Variants in EXOC6B observed in about 807,000 individuals in gnomAD.
EXOC6B encodes SEC15 homolog B.
EXOC6B carries 54 observed loss-of-function variants against 113.5 expected under a neutral mutation model. The observed-to-expected ratio is 0.48, with a 90% CI of 0.38 to 0.60. The LOEUF (loss-of-function observed/expected upper bound fraction) is 0.60. Ranked by LOEUF, EXOC6B falls within the 20% of genes least tolerant of loss-of-function variation. The pLI, the probability that EXOC6B is intolerant of heterozygous loss-of-function variation, is 0.00. For synonymous variants in EXOC6B, 357 were observed against 339.0 expected, an observed-to-expected ratio of 1.05 and a Z score of -0.58; for missense variants, 797 against 977.5, an observed-to-expected ratio of 0.82 and a Z score of 2.46.
At chr2:72,241,255 C>T (rs1682292881) in intron 20 of EXOC6B, among the ~76,000 whole-genome samples, 1 of 151,978 alleles carries the variant, frequency 6.6e-6, no homozygotes, top group Admixed American at 6.6e-5. Context: ...ATGGGGTCCT[C>T]AATAGACTGT....
intron 1 of EXOC6B, among the ~76,000 whole-genome samples, chr2:72,810,178 T>C (rs1685810858): frequency 6.6e-6 from 1 of 152,008 alleles, no homozygotes; most frequent in Non-Finnish European, 1.5e-5. Context: ...GGAAATTTTA[T>C]GAAGCTTGGG....
intron 6 of EXOC6B, among the ~76,000 whole-genome samples, chr2:72,593,641 C>CT (rs1706121021): frequency 9.9e-6 from 1 of 101,162 alleles, no homozygotes; most frequent in East Asian, 2.3e-4. Flanking sequence ...CAATAGGGAT[C>CT]TTAAAAAAAA....
chr2:72,558,037 CA>C (rs60676600), intron 8 of EXOC6B, among the ~76,000 whole-genome samples: 125,897 of 147,508 alleles, frequency 0.85, 53,839 homozygotes, highest in East Asian at 0.99. Context: ...TTTATAAAAC[CA>C]AAAAAAAAAA....
chr2:72,572,759 T>C (rs1425527832), intron 7 of EXOC6B, among the ~76,000 whole-genome samples: 2 of 152,174 alleles, frequency 1.3e-5, no homozygotes, highest in Non-Finnish European at 1.5e-5. Flanking sequence ...AGAAACCAGT[T>C]TGGAAACATC....
intron 1 of EXOC6B, among the ~76,000 whole-genome samples, chr2:72,820,951 CA>C (rs1364350478): frequency 1.3e-5 from 2 of 151,408 alleles, no homozygotes; most frequent in African/African-American, 4.9e-5. Context: ...AATATAACAT[CA>C]AAAGCATGAA....
chr2:72,518,976 T>C (rs561756906), intron 8 of EXOC6B, among the ~76,000 whole-genome samples: 2 of 152,308 alleles, frequency 1.3e-5, no homozygotes, highest in Non-Finnish European at 1.5e-5. Context: ...CTAACCTGGG[T>C]AACTGGTTTG....
At chr2:72,521,637 A>T (rs1265666946) in intron 8 of EXOC6B, among the ~76,000 whole-genome samples, 3 of 152,194 alleles carry the variant, frequency 2.0e-5, no homozygotes, top group African/African-American at 7.2e-5. Context: ...TCAGATTTTT[A>T]TGCATCTAAA....
intron 18 of EXOC6B, among the ~76,000 whole-genome samples, chr2:72,390,368 C>T (rs928830702): frequency 6.6e-6 from 1 of 151,906 alleles, no homozygotes. Context: ...AAGCATTTGC[C>T]TTCTAATTCT....
chr2:72,270,264 G>A (rs1684402929), intron 20 of EXOC6B, among the ~76,000 whole-genome samples: 1 of 152,060 alleles, frequency 6.6e-6, no homozygotes, highest in African/African-American at 2.4e-5. Context: ...AGGTAGTGGT[G>A]GCTGGTTTTC....
intron 8 of EXOC6B, among the ~76,000 whole-genome samples, chr2:72,529,112 T>C (rs1309111418): frequency 1.3e-5 from 2 of 152,184 alleles, no homozygotes; most frequent in African/African-American, 2.4e-5. Context: ...GCAGATACTT[T>C]TGCTTTGCTC....
chr2:72,526,716 G>A (rs2105738661), intron 8 of EXOC6B, among the ~76,000 whole-genome samples: 1 of 152,064 alleles, frequency 6.6e-6, no homozygotes, highest in South Asian at 2.1e-4. Flanking sequence ...GACAGAATAT[G>A]TAAAAACAGA....
intron 18 of EXOC6B, chr2:72,463,708 C>A (rs1325998901): frequency 6.6e-6 from 1 of 152,160 alleles, no homozygotes; most frequent in Non-Finnish European, 1.5e-5. Flanking sequence ...AAGGAGATTT[C>A]TCACAGTTTC....
chr2:72,343,068 G>T (rs1450880973), intron 19 of EXOC6B, among the ~76,000 whole-genome samples: 1 of 152,016 alleles, frequency 6.6e-6, no homozygotes, highest in African/African-American at 2.4e-5. Context: ...TACAACCTTG[G>T]TTAATTTCTA....
intron 6 of EXOC6B, among the ~76,000 whole-genome samples, chr2:72,623,232 T>C (rs1005092197): frequency 6.6e-6 from 1 of 152,214 alleles, no homozygotes; most frequent in Non-Finnish European, 1.5e-5. Context: ...TGGGGTGTTC[T>C]CTTCCAAGGT....
chr2:72,596,036 C>T (rs1043915477), intron 6 of EXOC6B, among the ~76,000 whole-genome samples: 1 of 152,108 alleles, frequency 6.6e-6, no homozygotes, highest in Non-Finnish European at 1.5e-5. Flanking sequence ...TCTGGCTTCT[C>T]CTCAGTAATA....
intron 6 of EXOC6B, among the ~76,000 whole-genome samples, chr2:72,583,784 G>A (rs2103881208): frequency 6.6e-6 from 1 of 152,082 alleles, no homozygotes; most frequent in South Asian, 2.1e-4. Flanking sequence ...GCAGTGGCAT[G>A]ATCTCAGCTC....
intron 1 of EXOC6B, among the ~76,000 whole-genome samples, chr2:72,819,780 GAA>G (rs1412005596): frequency 6.6e-6 from 1 of 152,132 alleles, no homozygotes; most frequent in Non-Finnish European, 1.5e-5. Context: ...GAGAGAGAGA[GAA>G]AGCATCATTC....
intron 8 of EXOC6B, among the ~76,000 whole-genome samples, chr2:72,551,694 G>A (rs1019500994): frequency 8.9e-5 from 13 of 146,874 alleles, no homozygotes; most frequent in African/African-American, 3.3e-4. Context: ...ATTTTTAGTA[G>A]AGATGGGGTT....
At chr2:72,702,371 G>A (rs1337534765) in intron 6 of EXOC6B, among the ~76,000 whole-genome samples, 8 of 136,044 alleles carry the variant, frequency 5.9e-5, no homozygotes, top group South Asian at 2.6e-4. Flanking sequence ...GAATAATGCC[G>A]CAATAAACAT....
Sources: gnomAD v4.1 joint callset for allele counts (sites outside exome capture counted in the v4.1 genomes callset) on GRCh38, gnomAD v4.1.1 for gene constraint, MANE v1.5 for transcripts, NCBI Gene and HGNC (gene_info 2026-07-23, HGNC 2026-07-21) for gene names.